Variants in ARID5A observed in about 807,000 individuals in gnomAD.
ARID5A encodes AT-rich interaction domain 5A, also known as AT-rich interactive domain-containing protein 5A.
ARID5A carries 14 observed loss-of-function variants against 30.5 expected under a neutral mutation model. The ratio of observed to expected loss-of-function variants is 0.46; its 90% CI spans 0.30 to 0.72. The LOEUF (loss-of-function observed/expected upper bound fraction) is 0.72, where lower values mean the gene tolerates loss of function less well. Ranked by LOEUF, ARID5A falls within the 30% of genes least tolerant of loss-of-function variation. The probability of loss-of-function intolerance (pLI) is 0.07; values close to 1 mark genes in which losing one functional copy is unlikely to be tolerated. For missense variants in ARID5A, 669 were observed against 786.2 expected (o/e 0.85, Z 1.78); for synonymous variants, 338 against 340.4 (o/e 0.99, Z 0.08).
chr2:96,547,003 G>A (rs1403454880), intron 1 of ARID5A, among the ~76,000 whole-genome samples: 1 of 152,136 alleles, frequency 6.6e-6, no homozygotes, highest in African/African-American at 2.4e-5. Flanking sequence ...TTCCTTCAAA[G>A]ATGTGGGGAG....
At chr2:96,546,047 C>T (rs2065922650) in intron 1 of ARID5A, among the ~76,000 whole-genome samples, 1 of 152,154 alleles carries the variant, frequency 6.6e-6, no homozygotes, top group Admixed American at 6.5e-5. Context: ...AAACCACCAC[C>T]CTGAAATCAG....
At position 96,549,177 on chromosome 2, in the gene ARID5A, C is replaced by G; in HGVS notation, c.121-144C>G. ...TGCCGAACCCAGGAACAGTCACTCCCTCCCAGAACAGTGGCTAGGTGTTCT... is the reference window on the plus strand; with the variant it reads ...TGCCGAACCCAGGAACAGTCACTCCGTCCCAGAACAGTGGCTAGGTGTTCT... On this transcript the variant is annotated intron_variant, in intron 2 of 6. Transcript: ENST00000357485. This position sits in a 1 kb window ranked among gnomAD's most constrained non-coding sequence, Gnocchi z 6.1. The G allele has an allele frequency of 1.4e-6, 2 of 1,456,084 alleles. No homozygotes were observed. The highest frequency in any genetic ancestry group is 2.7e-5 in the South Asian group (2 of 74,468). The allele number at this position is 1,456,084 out of a possible 1,614,324, so 90.2% of individuals were successfully genotyped here. A position where few individuals can be genotyped will look rare whatever the true frequency, so the allele number is the denominator to read the frequency against.
rs961715864 is a variant in ARID5A at position 96,539,442 on chromosome 2, C to T, written c.4+2612C>T. Among the ~76,000 whole-genome samples the T allele has an allele frequency of 1.3e-5, 2 of 152,214 alleles. No homozygotes were observed. Among genetic ancestry groups the T allele is most frequent in the Admixed American group, 6.5e-5 (1 of 15,290 alleles). On this transcript the variant is annotated intron_variant, in intron 1 of 6. Coordinates refer to ENST00000357485, the MANE Select transcript of ARID5A (RefSeq NM_212481.3). This position sits in a 1 kb window ranked among gnomAD's most constrained non-coding sequence, Gnocchi z 4.7. Reference sequence around the variant, plus strand: ...CATCTTAAGTTTGTCTTCAGTGACTCTCAACCACCGCCCGACTGCCTTCAC... The same window carrying T: ...CATCTTAAGTTTGTCTTCAGTGACTTTCAACCACCGCCCGACTGCCTTCAC...
rs1206124003 is a variant in ARID5A at position 96,537,116 on chromosome 2, C to T, written c.4+286C>T. On this transcript the variant is annotated intron_variant, in intron 1 of 6. Transcript: ENST00000357485. The surrounding 1 kb of genome is among the most constrained non-coding windows in gnomAD (Gnocchi z 4.8). ...GGCCAGGGGCTTCCCGGGCGTTTAT[C>T]TCGAAACTCTTTTCGCCGTCTCTTG... 6.6e-6 allele frequency among the ~76,000 whole-genome samples: 1 copy of T among 152,206 alleles called. No individual in the cohort carries two copies. The highest frequency in any genetic ancestry group is 1.5e-5 in the Non-Finnish European group (1 of 68,026).
intron 1 of ARID5A, among the ~76,000 whole-genome samples, chr2:96,543,501 T>C (rs1386026611): frequency 6.6e-6 from 1 of 152,206 alleles, no homozygotes; most frequent in East Asian, 1.9e-4. Flanking sequence ...TTTCAAACTT[T>C]TTCATTATTA....
intron 1 of ARID5A, among the ~76,000 whole-genome samples, chr2:96,545,543 A>T (rs1346458309): frequency 6.6e-6 from 1 of 152,190 alleles, no homozygotes; most frequent in Non-Finnish European, 1.5e-5. Flanking sequence ...TGTTACAGAA[A>T]CTTAGTTGAT....
rs762023972 is a variant in ARID5A at position 96,551,798 on chromosome 2, G to T, written c.1270G>T (p.Val424Phe). The T allele has an allele frequency of 6.3e-6, 10 of 1,577,418 alleles. No individual in the cohort carries two copies. The East Asian group carries it at 2.0e-4, about 32-fold the overall frequency. ...CTGCTGGGTGTCCCCCATGGCCAAG[G>T]TCCCAGCCGAGAGCCCCACGCTCCC... The part of the protein sequence containing the change: ...KACWVSPMAK[V>F]PAESPTLPPT... Residue 424 changes from valine to phenylalanine, a missense_variant, in exon 7 of 7, where the codon GTC becomes TTC. Physicochemically the swap from Val to Phe is conservative, Grantham distance 50. This residue lies in a region of ARID5A where 548 missense variants were observed against 577.4 expected (regional missense o/e 0.95). Coordinates refer to ENST00000357485, the MANE Select transcript of ARID5A (RefSeq NM_212481.3).
In ARID5A at chr2:96,537,002, G is replaced by A. The variant is rs1459652857; in HGVS notation, c.4+172G>A. The stretch of plus-strand genomic sequence containing the variant: ...GGGCCAAGGGGAGCGAGCCCGGCCC[G>A]CGGCTTCAGCGCTCCCCGGCCGGCG... On this transcript the variant is annotated intron_variant, in intron 1 of 6. Coordinates refer to ENST00000357485, the MANE Select transcript of ARID5A (RefSeq NM_212481.3). The surrounding 1 kb of genome is among the most constrained non-coding windows in gnomAD (Gnocchi z 4.8). 1.3e-5 allele frequency among the ~76,000 whole-genome samples: 2 copies of A among 152,028 alleles called. No homozygotes were observed. The highest frequency in any genetic ancestry group is 4.8e-5 in the African/African-American group (2 of 41,426).
intron 1 of ARID5A, among the ~76,000 whole-genome samples, chr2:96,542,347 A>C (rs2065860980): frequency 6.6e-6 from 1 of 152,208 alleles, no homozygotes; most frequent in South Asian, 2.1e-4. Flanking sequence ...AGCTGGACAC[A>C]GAGATAGAAT....
At chr2:96,543,677 T>C (rs1196347221) in intron 1 of ARID5A, among the ~76,000 whole-genome samples, 2 of 152,192 alleles carry the variant, frequency 1.3e-5, no homozygotes, top group Non-Finnish European at 2.9e-5. Context: ...TCTCTTCCTC[T>C]CTTTCTCTTC....
intron 1 of ARID5A, among the ~76,000 whole-genome samples, chr2:96,543,620 T>C (rs2065880782): frequency 6.6e-6 from 1 of 152,106 alleles, no homozygotes; most frequent in Admixed American, 6.6e-5. Flanking sequence ...CGATAAATGT[T>C]GTGTGTGCTC....
chr2:96,547,543 C>T, intron 2 of ARID5A, 26 bp downstream of exon 2: 1 of 1,605,116 alleles, frequency 6.2e-7, no homozygotes, highest in Non-Finnish European at 8.5e-7. Flanking sequence ...CTGCTGACTC[C>T]CTGGGCACTC....
chr2:96,551,792 G>A lies in ARID5A; in HGVS notation c.1264G>A (p.Ala422Thr). Residue 422 changes from alanine (A) to threonine (T), a missense_variant, in exon 7 of 7, where the codon GCC (alanine) becomes ACC (threonine). Ala to Thr is a moderately conservative substitution (Grantham distance 58). This residue lies in a region of ARID5A where 548 missense variants were observed against 577.4 expected (regional missense o/e 0.95). Coordinates refer to ENST00000357485, the MANE Select transcript of ARID5A (RefSeq NM_212481.3). Reference sequence around the variant, plus strand: ...CAAAGCCTGCTGGGTGTCCCCCATGGCCAAGGTCCCAGCCGAGAGCCCCAC... The same window carrying A: ...CAAAGCCTGCTGGGTGTCCCCCATGACCAAGGTCCCAGCCGAGAGCCCCAC... ...KPKACWVSPMAKVPAESPTLP... is the reference protein window; with the variant it reads ...KPKACWVSPMTKVPAESPTLP... 1.9e-6 allele frequency: 3 copies of A among 1,563,148 alleles called. No homozygotes were observed. The highest frequency in any genetic ancestry group is 2.6e-6 in the Non-Finnish European group (3 of 1,158,810).
Position 96,549,695 on chromosome 2 carries a change from G to C in ARID5A, c.260-58G>C. On this transcript the variant is annotated intron_variant, in intron 3 of 6. Transcript: ENST00000357485. This position sits in a 1 kb window ranked among gnomAD's most constrained non-coding sequence, Gnocchi z 6.1. Reference sequence around the variant, plus strand: ...CCTGTCAGGGCACCAGGAAGGGGTGGCATGCTGTCCCCACCTCCCACAGAG... The same window carrying C: ...CCTGTCAGGGCACCAGGAAGGGGTGCCATGCTGTCCCCACCTCCCACAGAG... 1 of 1,611,328 alleles carries C rather than the reference G, an allele frequency of 6.2e-7. No individual in the cohort carries two copies. Among genetic ancestry groups the C allele is most frequent in the Non-Finnish European group, 8.5e-7 (1 of 1,177,840 alleles).
chr2:96,550,095 G>T lies in ARID5A; in HGVS notation c.313-93G>T. The T allele has an allele frequency of 6.5e-7, 1 of 1,531,834 alleles. No individual in the cohort carries two copies. The highest frequency in any genetic ancestry group is 8.7e-7 in the Non-Finnish European group (1 of 1,144,814). 94.9% of individuals were successfully genotyped at this position (1,531,834 alleles called of 1,614,324 possible). ...GCCGCAGAGCAGCTGCCAAACTGCA[G>T]TCCTTCGAGTCCCTGCGAGGGCGGC... On this transcript the variant is annotated intron_variant, in intron 4 of 6. Coordinates refer to ENST00000357485, the MANE Select transcript of ARID5A (RefSeq NM_212481.3). This position sits in a 1 kb window ranked among gnomAD's most constrained non-coding sequence, Gnocchi z 6.6.
Position 96,549,406 on chromosome 2 carries a change from T to C in ARID5A, c.206T>C (p.Met69Thr). The C allele has an allele frequency of 6.2e-7, 1 of 1,613,800 alleles. No homozygotes were observed. The change falls in exon 3 of 7, where the codon ATG becomes ACG. Residue 69 changes from methionine (M) to threonine (T), a missense_variant. Met to Thr is a moderately conservative substitution (Grantham distance 81). Around this residue, in one of 4 missense-constraint regions of ARID5A, gnomAD observed 1 missense variants for 16.2 expected, o/e 0.06. Transcript: ENST00000357485. The surrounding 1 kb of genome is among the most constrained non-coding windows in gnomAD (Gnocchi z 6.1). ...TTCCTGGTCAGCCTCTACAAGTTCA[T>C]GAAGGAGCGACACACGCCCATCGAG... ...QAFLVSLYKF[M>T]KERHTPIERV...
chr2:96,550,775 T>C lies in ARID5A; in HGVS notation c.570+42T>C. 6.6e-7 allele frequency: 1 copy of C among 1,506,892 alleles called. No homozygotes were observed. The highest frequency in any genetic ancestry group is 8.9e-7 in the Non-Finnish European group (1 of 1,125,200). 93.3% of individuals were successfully genotyped at this position (1,506,892 alleles called of 1,614,324 possible). ...CTGGGGCCACCCTGTCCCTTGCCTCTTGTAGCCCCCTACCCCACAACTCCC... is the reference window on the plus strand; with the variant it reads ...CTGGGGCCACCCTGTCCCTTGCCTCCTGTAGCCCCCTACCCCACAACTCCC... On this transcript the variant is annotated intron_variant, in intron 6 of 6. Coordinates refer to ENST00000357485, the MANE Select transcript of ARID5A (RefSeq NM_212481.3). The surrounding 1 kb of genome is among the most constrained non-coding windows in gnomAD (Gnocchi z 6.6).
chr2:96,547,615 A>C (rs2065952057), intron 2 of ARID5A, 98 bp downstream of exon 2: 16 of 1,135,240 alleles, frequency 1.4e-5, no homozygotes, highest in Non-Finnish European at 1.9e-5. Context: ...CCAAGCTCTC[A>C]GGAGGGAGAT....
Position 96,552,164 on chromosome 2 carries a change from C to T in ARID5A, c.1636C>T (p.Pro546Ser), listed in dbSNP as rs552957961. Reference sequence around the variant, plus strand: ...CTTCCTGGCCACCGCAGGCCCCTCGCCCATGGCCGCTGGCCTGATGCACTT... The same window carrying T: ...CTTCCTGGCCACCGCAGGCCCCTCGTCCATGGCCGCTGGCCTGATGCACTT... ...AHFLATAGPS[P>S]MAAGLMHFPP... The change falls in exon 7 of 7, where the codon CCC (proline) becomes TCC (serine). Residue 546 changes from proline (P) to serine (S), a missense_variant. By Grantham distance (74) the Pro-to-Ser change is moderately conservative (BLOSUM62 -1). Around this residue, in one of 4 missense-constraint regions of ARID5A, gnomAD observed 548 missense variants for 577.4 expected, o/e 0.95. Coordinates refer to ENST00000357485, the MANE Select transcript of ARID5A (RefSeq NM_212481.3). The T allele has an allele frequency of 1.9e-5, 30 of 1,613,162 alleles. No homozygotes were observed. In the South Asian group the frequency reaches 3.2e-4, roughly 17 times the overall value.
Sources: gnomAD v4.1 joint callset for allele counts (sites outside exome capture counted in the v4.1 genomes callset) on GRCh38, gnomAD v4.1.1 for gene constraint, gnomAD v4.1.1 regional missense constraint, Gnocchi (gnomAD v3.1) non-coding constraint, MANE v1.5 for transcripts, NCBI Gene and HGNC (gene_info 2026-07-23, HGNC 2026-07-21) for gene names.